Variants in OSCAR observed in about 807,000 individuals in gnomAD.
The protein encoded by OSCAR is osteoclast associated Ig-like receptor.
In OSCAR, 25 loss-of-function variants were observed where a neutral mutation model predicts 27.3. The observed-to-expected ratio is 0.92, with a 90% CI of 0.67 to 1.28. OSCAR has a LOEUF of 1.28. OSCAR is among the 50% of genes most tolerant of loss of function. The pLI is 0.00. For missense variants in OSCAR, 354 were observed against 355.1 expected (o/e 1.00, Z 0.03); for synonymous variants, 158 against 165.7 (o/e 0.95, Z 0.36).
rs764158431 is a variant in OSCAR, at chr19:54,096,968, C to G, written c.267G>C (p.Glu89Asp). The change falls in exon 3 of 5, where the codon GAG (glutamate) becomes GAC (aspartate). Residue 89 changes from glutamate to aspartate, a missense_variant. Transcript: ENST00000358375. ...AACTTCCCCCTTGGGCTGGAGTCACCTCCTCCAGAAAGAATTCTGCCAGCT... is the reference window on the plus strand; with the variant it reads ...AACTTCCCCCTTGGGCTGGAGTCACGTCCTCCAGAAAGAATTCTGCCAGCT... Reference protein sequence around the residue: ...SSELAEFFLEEVTPAQGGSYR... With the variant: ...SSELAEFFLEDVTPAQGGSYR... 8 of 1,614,048 alleles carry G rather than the reference C, an allele frequency of 5.0e-6. No individual in the cohort carries two copies. Among genetic ancestry groups the G allele is most frequent in the African/African-American group, 1.3e-5 (1 of 74,928 alleles).
intron 4 of OSCAR, chr19:54,095,602 G>A (rs143751107): frequency 1.8e-6 from 2 of 1,130,634 alleles, no homozygotes; most frequent in African/African-American, 3.2e-5. Context: ...GGGGCTGGGG[G>A]CCTGGAGTCC....
In OSCAR at chr19:54,095,105, G is replaced by A. The variant is rs73609085; in HGVS notation, c.*116C>T. ...CAGGGCACAGCGGGGTCTAAGGACCGTTCCGCGGAGCTCAGCCAGCAGGAC... is the reference window on the plus strand; with the variant it reads ...CAGGGCACAGCGGGGTCTAAGGACCATTCCGCGGAGCTCAGCCAGCAGGAC... On this transcript the variant is annotated 3_prime_UTR_variant, in exon 5 of 5. Coordinates refer to ENST00000358375, the MANE Select transcript of OSCAR (RefSeq NM_133169.6). 1.0e-3 allele frequency: 1,451 copies of A among 1,456,760 alleles called. 11 individuals are homozygous for A. In the African/African-American group the frequency reaches 0.016, roughly 16 times the overall value. 90.2% of individuals were successfully genotyped at this position (1,456,760 alleles called of 1,614,324 possible).
rs1315407300 is a variant in OSCAR at position 54,097,112 on chromosome 19, T to A, written c.123A>T (p.Thr41=). The change falls in exon 3 of 5, where the codon ACA becomes ACT. Residue 41 remains threonine (T), a synonymous_variant. Transcript: ENST00000358375. The stretch of plus-strand genomic sequence containing the variant: ...TCACGTTGACCCCAGGGGTCACAAC[T>A]GTAGCCGGCTGAGCTCCCAGCCATG... ...PKPWLGAQPA[T]VVTPGVNVTL... 1 of 1,614,058 alleles carries A rather than the reference T, an allele frequency of 6.2e-7. No individual in the cohort carries two copies. Among genetic ancestry groups the A allele is most frequent in the Non-Finnish European group, 8.5e-7 (1 of 1,180,040 alleles).
chr19:54,096,995 G>C lies in OSCAR; in HGVS notation c.240C>G (p.Ser80=), dbSNP rs756367365. The C allele has an allele frequency of 1.2e-6, 2 of 1,614,016 alleles. No individual in the cohort carries two copies. The highest frequency in any genetic ancestry group is 1.7e-6 in the Non-Finnish European group (2 of 1,180,044). The part of the protein sequence containing the change: ...IAPLLFRDVS[S]ELAEFFLEEV... The stretch of plus-strand genomic sequence containing the variant: ...CCTCCAGAAAGAATTCTGCCAGCTC[G>C]GAGGACACATCCCGGAAGAGAAGGG... The change falls in exon 3 of 5, where the codon TCC becomes TCG. Residue 80 remains serine (S), a synonymous_variant. Coordinates refer to ENST00000358375, the MANE Select transcript of OSCAR (RefSeq NM_133169.6).
In OSCAR at chr19:54,095,868, T is replaced by A; in HGVS notation, c.655+4A>T. 3 of 1,554,752 alleles carry A rather than the reference T, an allele frequency of 1.9e-6. No homozygotes were observed. Among genetic ancestry groups the A allele is most frequent in the Non-Finnish European group, 2.6e-6 (3 of 1,148,814 alleles). On this transcript the variant is annotated splice_donor_region_variant and intron_variant, in intron 4 of 4. Transcript: ENST00000358375. ...GGAGGCGGGCCGGGCCTCAGGGCCC[T>A]CACCTTCCCAGCTGATGACCAGCAC...
rs2073007138 is a variant in OSCAR at position 54,100,788 on chromosome 19, G to A, written c.5C>T (p.Ala2Val). The A allele has an allele frequency of 1.3e-6, 2 of 1,552,078 alleles. No homozygotes were observed. The highest frequency in any genetic ancestry group is 2.4e-5 in the East Asian group (1 of 41,000). The change falls in exon 1 of 5, where the codon GCC (alanine) becomes GTC (valine). Residue 2 changes from alanine (A) to valine (V), a missense_variant. Transcript: ENST00000358375. ...CAGCAGCTGGAGGATCAGCACCAGG[G>A]CCATGGTGGGCAGATACCCGCTAGA... M[A>V]LVLILQLLTL...
intron 3 of OSCAR, among the ~76,000 whole-genome samples, chr19:54,096,465 T>C (rs1209462821): frequency 7.3e-6 from 1 of 137,764 alleles, no homozygotes; most frequent in Non-Finnish European, 1.5e-5. Flanking sequence ...TCTGCCTGCC[T>C]CTCTCTCTGC....
chr19:54,099,730 G>C lies in OSCAR; in HGVS notation c.70+18C>G, dbSNP rs778304903. On this transcript the variant is annotated intron_variant, in intron 2 of 4. Transcript: ENST00000358375. ...GGGTGTCAGCAACAAAAGGAGAGTG[G>C]ATGGGGTGGCTACTCACCAGACGGA... 3 of 1,613,894 alleles carry C rather than the reference G, an allele frequency of 1.9e-6. No individual in the cohort carries two copies. Among genetic ancestry groups the C allele is most frequent in the Non-Finnish European group, 2.5e-6 (3 of 1,179,860 alleles).
chr19:54,095,011 A>T lies in OSCAR; in HGVS notation c.*210T>A, dbSNP rs1175774819. 8.3e-6 allele frequency: 6 copies of T among 723,460 alleles called. No homozygotes were observed. Among genetic ancestry groups the T allele is most frequent in the Non-Finnish European group, 1.0e-5 (5 of 492,878 alleles). The allele number at this position is 723,460 out of a possible 1,614,324, so 44.8% of individuals were successfully genotyped here. Reference sequence around the variant, plus strand: ...CGAACCCTCTGTCTTCTGGCTTGGAAGTCTTAACCACTAATCGCGTCTTCC... The same window carrying T: ...CGAACCCTCTGTCTTCTGGCTTGGATGTCTTAACCACTAATCGCGTCTTCC... On this transcript the variant is annotated 3_prime_UTR_variant, in exon 5 of 5. Coordinates refer to ENST00000358375, the MANE Select transcript of OSCAR (RefSeq NM_133169.6).
At chr19:54,095,663 G>A in intron 4 of OSCAR, 1 of 1,006,606 alleles carries the variant, frequency 9.9e-7, no homozygotes, top group South Asian at 1.7e-5. Flanking sequence ...GTCTGAGGGA[G>A]GAGGAGCTGG....
At position 54,096,035 on chromosome 19, in the gene OSCAR, C is replaced by T. The variant is rs1329405779; in HGVS notation, c.492G>A (p.Glu164=). Residue 164 remains glutamate (E), a synonymous_variant, in exon 4 of 5, where the codon GAG becomes GAA. Coordinates refer to ENST00000358375, the MANE Select transcript of OSCAR (RefSeq NM_133169.6). ...GGTACTGCAGCGGGGCCGCCACGCC[C>T]TCGCGGTACAGCACGAAGCTCATGT... ...LRNMSFVLYR[E]GVAAPLQYRH... The T allele has an allele frequency of 3.2e-6, 5 of 1,561,002 alleles. No individual in the cohort carries two copies. Among genetic ancestry groups the T allele is most frequent in the Non-Finnish European group, 3.5e-6 (4 of 1,156,492 alleles).
intron 3 of OSCAR, among the ~76,000 whole-genome samples, 200 bp downstream of exon 3, chr19:54,096,662 C>T (rs2072741087): frequency 6.7e-6 from 1 of 149,836 alleles, no homozygotes; most frequent in South Asian, 2.1e-4. Flanking sequence ...CTCTTTCTCT[C>T]TCTCTCCCCC....
At chr19:54,097,460 T>G (rs1338575824) in intron 2 of OSCAR, among the ~76,000 whole-genome samples, 4 of 151,928 alleles carry the variant, frequency 2.6e-5, no homozygotes, top group Admixed American at 6.6e-5. Context: ...TTTTAAGTAA[T>G]GAGATGGGAG....
At chr19:54,099,244 T>TTTTTTTTTTTTTTTTTTTTTG (rs1267618078) in intron 2 of OSCAR, among the ~76,000 whole-genome samples, 1 of 133,198 alleles carries the variant, frequency 7.5e-6, no homozygotes, top group Non-Finnish European at 1.6e-5. Flanking sequence ...TTTTTTTTTT[T>TTTTTTTTTTTTTTTTTTTTTG]TTTTTTTTTA....
At chr19:54,095,588 A>G in intron 4 of OSCAR, 1 of 1,179,258 alleles carries the variant, frequency 8.5e-7, no homozygotes, top group Non-Finnish European at 1.1e-6. Flanking sequence ...GGGTCCAGGA[A>G]GGAGGGGCTG....
chr19:54,100,634 A>G, intron 1 of OSCAR, 122 bp downstream of exon 1: 8 of 1,080,514 alleles, frequency 7.4e-6, no homozygotes, highest in Non-Finnish European at 1.1e-5. Flanking sequence ...CCTGTTCTTT[A>G]TTTGAACCTA....
intron 1 of OSCAR, 87 bp downstream of exon 1, chr19:54,100,669 C>A: frequency 1.5e-6 from 2 of 1,373,466 alleles, no homozygotes; most frequent in Non-Finnish European, 2.0e-6. Flanking sequence ...CTGCCTGGTC[C>A]CCCTGCAGGG....
chr19:54,095,661 G>C (rs1049946385), intron 4 of OSCAR: 2 of 1,022,178 alleles, frequency 2.0e-6, no homozygotes, highest in Non-Finnish European at 2.8e-6. Context: ...GGGTCTGAGG[G>C]AGGAGGAGCT....
rs587647466 is a variant in OSCAR, at chr19:54,095,350, G to A, written c.663C>T (p.Gly221=). The A allele has an allele frequency of 6.4e-7, 1 of 1,560,828 alleles. No homozygotes were observed. The highest frequency in any genetic ancestry group is 8.7e-7 in the Non-Finnish European group (1 of 1,152,878). Residue 221 remains glycine (G), a synonymous_variant, in exon 5 of 5, where the codon GGC becomes GGT. Transcript: ENST00000358375. Reference sequence around the variant, plus strand: ...GGTTCCCCCGGGTGTAGTCGGAGGAGCCAGAGTCTGCGGGCGGAGCCGGGA... The same window carrying A: ...GGTTCCCCCGGGTGTAGTCGGAGGAACCAGAGTCTGCGGGCGGAGCCGGGA... ...EVLVISWEDS[G]SSDYTRGNLV...
Sources: allele counts gnomAD v4.1 joint callset (sites outside exome capture counted in the v4.1 genomes callset), GRCh38; gene constraint gnomAD v4.1.1; transcripts MANE v1.5; gene names NCBI Gene and HGNC (gene_info 2026-07-23, HGNC 2026-07-21).